Variants in MYBPC1 observed in about 807,000 individuals in gnomAD.
MYBPC1 encodes myosin-binding protein C, slow-type.
In MYBPC1, 52 loss-of-function variants were observed where a neutral mutation model predicts 147.1. The observed-to-expected ratio is 0.35, with a 90% CI of 0.28 to 0.45. The LOEUF (loss-of-function observed/expected upper bound fraction) is 0.45, where lower values mean the gene tolerates loss of function less well. Ranked by LOEUF, MYBPC1 falls within the 20% of genes least tolerant of loss-of-function variation. The pLI is 1.00. For missense variants in MYBPC1, 1,228 were observed against 1,440.3 expected (o/e 0.85, Z 2.39); for synonymous variants, 477 against 475.9 (o/e 1.00, Z -0.03).
chr12:101,693,469 G>A, the MYBPC1 span, among the ~76,000 whole-genome samples: 2 of 152,246 alleles, frequency 1.3e-5, no homozygotes, highest in South Asian at 4.2e-4. Context: ...GGCCGATTGT[G>A]GTGGCTCACA....
rs535830765 is a variant in MYBPC1 at position 101,632,048 on chromosome 12, A to C, written c.466A>C (p.Lys156Gln). Residue 156 changes from lysine to glutamine, a missense_variant, in exon 8 of 32, where the codon AAG becomes CAG. By Grantham distance (53) the Lys-to-Gln change is moderately conservative. Around this residue, in one of 2 missense-constraint regions of MYBPC1, gnomAD observed 1,077 missense variants for 1,314.2 expected, o/e 0.82. Transcript: ENST00000361466. ...RVYTFEMQII[K>Q]AKDNFAGNYR... is the part of the protein sequence containing the mutation. The stretch of plus-strand genomic sequence containing the variant: ...GTACACATTTGAGATGCAGATCATC[A>C]AGGCCAAAGATAACTTTGCAGGAAA... The C allele has an allele frequency of 1.2e-6, 2 of 1,613,770 alleles. No homozygotes were observed. The highest frequency in any genetic ancestry group is 2.2e-5 in the South Asian group (2 of 91,080).
At chr12:101,658,123 TC>T (rs1447255355) in intron 18 of MYBPC1, among the ~76,000 whole-genome samples, 2 of 100,776 alleles carry the variant, frequency 2.0e-5, no homozygotes, top group African/African-American at 3.7e-5. Context: ...AGAGCGAGAC[TC>T]CGTCTCAAAA....
chr12:101,678,029 A>C, intron 27 of MYBPC1, 73 bp from the exon 28 acceptor site: 1 of 1,541,692 alleles, frequency 6.5e-7, no homozygotes, highest in Admixed American at 1.7e-5. Context: ...ATCATGTGTA[A>C]AGTATGCCAC....
intron 8 of MYBPC1, 118 bp from the exon 9 acceptor site, chr12:101,634,436 G>A (rs2136092826): frequency 1.2e-6 from 1 of 824,982 alleles, no homozygotes; most frequent in Non-Finnish European, 2.1e-6. Flanking sequence ...CAGGAGAAAA[G>A]CCTCCCCCCT....
chr12:101,684,573 A>AATT, intron 31 of MYBPC1, 149 bp downstream of exon 31: 1 of 658,178 alleles, frequency 1.5e-6, no homozygotes, highest in South Asian at 1.9e-5. Flanking sequence ...TTTGTATTTC[A>AATT]CTATCTTGAA....
At chr12:101,647,921 TTATCACCA>T in intron 13 of MYBPC1, 116 bp from the exon 14 acceptor site, 1 of 762,898 alleles carries the variant, frequency 1.3e-6, no homozygotes, top group East Asian at 2.9e-5. Flanking sequence ...TCACTTACTG[TTATCACCA>T]TGTCAACCAT....
rs751874042 is a variant in MYBPC1 at position 101,677,260 on chromosome 12, A to G, written c.2975A>G (p.Tyr992Cys). 8.7e-6 allele frequency: 14 copies of G among 1,613,616 alleles called. No individual in the cohort carries two copies. The African/African-American group carries it at 1.3e-4, about 15-fold the overall frequency. ...SMEWFTVIEHYHRTSATITEL... is the reference protein window; with the variant it reads ...SMEWFTVIEHCHRTSATITEL... ...GAATGGTTTACTGTCATTGAGCATT[A>G]TCATCGAACCAGTGCCACCATTACT... The change falls in exon 27 of 32, where the codon TAT (tyrosine) becomes TGT (cysteine). Residue 992 changes from tyrosine to cysteine, a missense_variant. This residue lies in a region of MYBPC1 where 1,077 missense variants were observed against 1,314.2 expected (regional missense o/e 0.82). Coordinates refer to ENST00000361466, the MANE Select transcript of MYBPC1 (RefSeq NM_002465.4).
At chr12:101,671,295 C>T (rs975852744) in intron 24 of MYBPC1, among the ~76,000 whole-genome samples, 2 of 149,752 alleles carry the variant, frequency 1.3e-5, no homozygotes, top group African/African-American at 5.0e-5. Flanking sequence ...TCTCTACACA[C>T]ATTTGACACT....
chr12:101,661,110 T>C (rs775611691), intron 19 of MYBPC1, 48 bp from the exon 20 acceptor site: 2 of 1,255,880 alleles, frequency 1.6e-6, no homozygotes, highest in Admixed American at 3.6e-5. Context: ...TTTTTTTTTC[T>C]ACTCCCTCTT....
At chr12:101,663,919 T>C (rs1464218433) in intron 22 of MYBPC1, among the ~76,000 whole-genome samples, 1 of 152,222 alleles carries the variant, frequency 6.6e-6, no homozygotes, top group African/African-American at 2.4e-5. Context: ...TTGGAAATTC[T>C]AAAACCTATA....
intron 18 of MYBPC1, among the ~76,000 whole-genome samples, chr12:101,653,588 G>A (rs569384728): frequency 4.7e-4 from 71 of 152,262 alleles, no homozygotes; most frequent in Non-Finnish European, 7.6e-4. Context: ...ATAGTAATAA[G>A]TACAAGAAGA....
intron 28 of MYBPC1, among the ~76,000 whole-genome samples, chr12:101,678,751 A>G (rs1900664994): frequency 6.6e-6 from 1 of 152,254 alleles, no homozygotes. Context: ...GAAAAGAACA[A>G]CGAATTAATG....
In MYBPC1 at chr12:101,680,375, T is replaced by C; in HGVS notation, c.3279T>C (p.Ala1093=). The C allele has an allele frequency of 6.2e-7, 1 of 1,614,114 alleles. No homozygotes were observed. The change falls in exon 29 of 32, where the codon GCT becomes GCC. Residue 1093 remains alanine, a synonymous_variant. Transcript: ENST00000361466. ...PKITWMKNKV[A]IVDDPRYRMF... is the part of the protein sequence containing the mutation. ...TAACCTGGATGAAAAACAAAGTTGC[T>C]ATTGTGGATGATCCAAGATACAGGA...
intron 23 of MYBPC1, among the ~76,000 whole-genome samples, chr12:101,669,677 C>G (rs529083839): frequency 6.6e-6 from 1 of 152,056 alleles, no homozygotes; most frequent in Non-Finnish European, 1.5e-5. Flanking sequence ...TGGCTCATGC[C>G]GGTAATCCCA....
chr12:101,688,925 G>A (rs1018356165), downstream of MYBPC1, among the ~76,000 whole-genome samples: 1 of 138,228 alleles, frequency 7.2e-6, no homozygotes, highest in Non-Finnish European at 1.5e-5. Flanking sequence ...TGCACTCCCA[G>A]CCTGGACAAC....
rs549838021 is a variant in MYBPC1 at position 101,662,687 on chromosome 12, T to C, written c.2221+141T>C. The C allele has an allele frequency of 8.0e-6, 7 of 874,604 alleles. No homozygotes were observed. In the South Asian group the frequency reaches 9.4e-5, roughly 12 times the overall value. The allele number at this position is 874,604 out of a possible 1,614,324, so 54.2% of individuals were successfully genotyped here. A position where few individuals can be genotyped will look rare whatever the true frequency, so the allele number is the denominator to read the frequency against. On this transcript the variant is annotated intron_variant, in intron 21 of 31. Transcript: ENST00000361466. ...AGGAGCTTGAAACAGTTAGGTACAA[T>C]TTTATGTCTAAGAAATTAAAAAGTA... is the stretch of plus-strand genomic sequence containing the variant.
At chr12:101,620,917 C>T (rs929109700) in intron 3 of MYBPC1, among the ~76,000 whole-genome samples, 7 of 152,062 alleles carry the variant, frequency 4.6e-5, no homozygotes, top group African/African-American at 1.7e-4. Flanking sequence ...GCATTCACCA[C>T]ATAAACTATC....
intron 22 of MYBPC1, among the ~76,000 whole-genome samples, chr12:101,665,823 T>C (rs569232259): frequency 6.6e-6 from 1 of 152,346 alleles, no homozygotes; most frequent in South Asian, 2.1e-4. Context: ...ACTATGAAAA[T>C]ACCAACACAG....
At chr12:101,647,986 G>A in intron 13 of MYBPC1, 59 bp from the exon 14 acceptor site, 1 of 1,365,000 alleles carries the variant, frequency 7.3e-7, no homozygotes, top group Non-Finnish European at 1.0e-6. Flanking sequence ...AAGAAATCAG[G>A]GCTCATGGGA....
Sources: allele counts gnomAD v4.1 joint callset (sites outside exome capture counted in the v4.1 genomes callset), GRCh38; gene constraint gnomAD v4.1.1; regional missense constraint gnomAD v4.1.1; transcripts MANE v1.5; gene names NCBI Gene and HGNC (gene_info 2026-07-23, HGNC 2026-07-21).